USP38: variants seen among roughly 807,000 people sequenced by gnomAD.
The protein encoded by USP38 is ubiquitin carboxyl-terminal hydrolase 38.
A neutral mutation model predicts 94.3 loss-of-function variants in USP38; 49 were observed. The ratio of observed to expected loss-of-function variants is 0.52; its 90% CI spans 0.41 to 0.66. The LOEUF is 0.66. USP38 is among the 30% of genes least tolerant of loss of function. USP38 has a pLI of 0.00. For synonymous variants in USP38, 468 were observed against 463.6 expected (o/e 1.01, Z -0.12); for missense variants, 1,128 against 1,229.4 (o/e 0.92, Z 1.23).
Position 143,214,955 on chromosome 4 carries a change from A to T in USP38, c.2967+12A>T, listed in dbSNP as rs1732144050. 3 of 1,604,110 alleles carry T rather than the reference A, an allele frequency of 1.9e-6. No individual in the cohort carries two copies. Among genetic ancestry groups the T allele is most frequent in the Non-Finnish European group, 2.6e-6 (3 of 1,175,778 alleles). ...AACTATATTTACAGGTAAGTTGGAA[A>T]TACAAGCTTTATTTGTTGAAAATAT... On this transcript the variant is annotated intron_variant, in intron 9 of 9. Transcript: ENST00000307017.
chr4:143,189,364 C>A (rs1242279591), intron 2 of USP38, among the ~76,000 whole-genome samples: 1 of 151,446 alleles, frequency 6.6e-6, no homozygotes, highest in African/African-American at 2.4e-5. Flanking sequence ...TTTTTTAATT[C>A]TTTTCCTGCA....
Position 143,212,104 on chromosome 4 carries a change from A to G in USP38, c.1498-214A>G, listed in dbSNP as rs573121264. ...AAGTCACCTGTTTCTCTAGCTCTCA[A>G]TTCTCCTCTGCAGAGTGAGAAGTTA... is the stretch of plus-strand genomic sequence containing the variant. On this transcript the variant is annotated intron_variant, in intron 7 of 9. Transcript: ENST00000307017. Among the ~76,000 whole-genome samples, 342 of 152,248 alleles carry G rather than the reference A, an allele frequency of 2.2e-3. 1 individual carries two copies. The highest frequency in any genetic ancestry group is 7.8e-3 in the African/African-American group (324 of 41,540).
rs4330311 is a variant in USP38 at position 143,213,567 on chromosome 4, A to G, written c.1605-14A>G. 3.7e-4 allele frequency: 583 copies of G among 1,572,978 alleles called. 5 individuals carry two copies. The African/African-American group carries it at 7.1e-3, about 19-fold the overall frequency. On this transcript the variant is annotated splice_polypyrimidine_tract_variant and intron_variant, in intron 8 of 9. Transcript: ENST00000307017. The stretch of plus-strand genomic sequence containing the variant: ...TTAATTTAAGTAGCTATATAATGAT[A>G]TCCTCTGCTGCAGGCTCCATGAAGA...
intron 6 of USP38, among the ~76,000 whole-genome samples, chr4:143,207,412 C>T (rs1175005805): frequency 6.6e-6 from 1 of 152,122 alleles, no homozygotes; most frequent in Non-Finnish European, 1.5e-5. Context: ...GTGATGTGTG[C>T]CTGTAATCCC....
rs771772939 is a variant in USP38, at chr4:143,220,565, C to T, written c.*109C>T. 1.1e-5 allele frequency: 12 copies of T among 1,101,388 alleles called. No homozygotes were observed. The highest frequency in any genetic ancestry group is 1.3e-5 in the Non-Finnish European group (11 of 836,544). The allele number at this position is 1,101,388 out of a possible 1,614,324, so 68.2% of individuals were successfully genotyped here. On this transcript the variant is annotated 3_prime_UTR_variant, in exon 10 of 10. Transcript: ENST00000307017. ...TTTTATTTTTCATTAGACCCTTATA[C>T]TTCAAGAGAACACACTCAGTGCTTG...
At chr4:143,204,123 A>G (rs774820554) in intron 5 of USP38, among the ~76,000 whole-genome samples, 2 of 152,076 alleles carry the variant, frequency 1.3e-5, no homozygotes, top group Non-Finnish European at 2.9e-5. Flanking sequence ...CTGGGACTAC[A>G]GGCACCTGCC....
chr4:143,208,288 TTAA>T (rs1731928367), intron 6 of USP38, among the ~76,000 whole-genome samples: 1 of 152,132 alleles, frequency 6.6e-6, no homozygotes, highest in Admixed American at 6.5e-5. Flanking sequence ...ACTTCTTTAT[TTAA>T]TAATGCTCCT....
chr4:143,187,795 T>C, intron 1 of USP38, 31 bp from the exon 2 acceptor site: 2 of 1,588,030 alleles, frequency 1.3e-6, no homozygotes, highest in Non-Finnish European at 1.7e-6. Context: ...CTACTTGCCA[T>C]GTTCCCTTTT....
chr4:143,220,862 A>T lies in USP38; in HGVS notation c.*406A>T, dbSNP rs988874871. On this transcript the variant is annotated 3_prime_UTR_variant, in exon 10 of 10. Coordinates refer to ENST00000307017, the MANE Select transcript of USP38 (RefSeq NM_032557.6). ...AAAAAAAAATACTTGTTTTTAAAAA[A>T]TCCTTTACGTCTTGTGTAATTACCC... The T allele has an allele frequency of 6.5e-6, 1 of 153,202 alleles. No homozygotes were observed. Among genetic ancestry groups the T allele is most frequent in the Non-Finnish European group, 1.5e-5 (1 of 68,556 alleles). The allele number at this position is 153,202 out of a possible 1,614,324, so 9.5% of individuals were successfully genotyped here.
intron 3 of USP38, 82 bp downstream of exon 3, chr4:143,195,927 C>A (rs1256175693): frequency 1.6e-6 from 2 of 1,279,940 alleles, no homozygotes; most frequent in South Asian, 3.7e-5. Flanking sequence ...TCCTTGAAAG[C>A]ATCTAATTTT....
chr4:143,202,246 G>T (rs1029188668), intron 4 of USP38, among the ~76,000 whole-genome samples: 15 of 152,148 alleles, frequency 9.9e-5, no homozygotes, highest in Admixed American at 6.6e-4. Context: ...TGTGATGGAG[G>T]TAAGAAGGTA....
At chr4:143,215,833 C>T (rs13151561) in intron 9 of USP38, among the ~76,000 whole-genome samples, 109,928 of 151,958 alleles carry the variant, frequency 0.72, 40,176 homozygotes, top group East Asian at 0.83. Context: ...TTATAAAATA[C>T]ACATTTTTAA....
chr4:143,212,252 G>T lies in USP38; in HGVS notation c.1498-66G>T. On this transcript the variant is annotated intron_variant, in intron 7 of 9. Transcript: ENST00000307017. ...ACCTTTATTAAACACTGTATATTAA[G>T]ATTTCAGTTACTTGGTTCATGCTAT... is the stretch of plus-strand genomic sequence containing the variant. 6.8e-6 allele frequency: 9 copies of T among 1,329,772 alleles called. 1 individual carries two copies. In the South Asian group the frequency reaches 1.2e-4, roughly 18 times the overall value. The allele number at this position is 1,329,772 out of a possible 1,614,324, so 82.4% of individuals were successfully genotyped here. A position where few individuals can be genotyped will look rare whatever the true frequency, so the allele number is the denominator to read the frequency against.
chr4:143,198,457 T>TC (rs1208147240), intron 4 of USP38, among the ~76,000 whole-genome samples: 2 of 152,178 alleles, frequency 1.3e-5, no homozygotes, highest in African/African-American at 4.8e-5. Flanking sequence ...TGGTCAGCTG[T>TC]CCATTTACCA....
At chr4:143,202,301 CAG>C (rs1381587683) in intron 4 of USP38, among the ~76,000 whole-genome samples, 1 of 152,064 alleles carries the variant, frequency 6.6e-6, no homozygotes, top group Non-Finnish European at 1.5e-5. Context: ...TAAAGCTAGA[CAG>C]AGCAGAATGG....
intron 3 of USP38, among the ~76,000 whole-genome samples, chr4:143,197,488 C>A (rs985708359): frequency 1.3e-5 from 2 of 152,078 alleles, no homozygotes; most frequent in African/African-American, 4.8e-5. Flanking sequence ...GTTCCTAGAA[C>A]TAGGACAAGT....
At chr4:143,212,099 T>A (rs553403309) in intron 7 of USP38, among the ~76,000 whole-genome samples, 9 of 152,290 alleles carry the variant, frequency 5.9e-5, no homozygotes, top group African/African-American at 2.2e-4. Flanking sequence ...TTTCTCTAGC[T>A]CTCAATTCTC....
At chr4:143,202,868 A>ATAT (rs1319387849) in intron 4 of USP38, among the ~76,000 whole-genome samples, 1 of 152,218 alleles carries the variant, frequency 6.6e-6, no homozygotes, top group African/African-American at 2.4e-5. Flanking sequence ...CTCTAACATA[A>ATAT]GGCATGGTCT....
In USP38 at chr4:143,187,423, C is replaced by G. The variant is rs1731262343; in HGVS notation, c.683-403C>G. Among the ~76,000 whole-genome samples, 5 of 151,626 alleles carry G rather than the reference C, an allele frequency of 3.3e-5. No homozygotes were observed. The South Asian group carries it at 1.0e-3, about 32-fold the overall frequency. On this transcript the variant is annotated intron_variant, in intron 1 of 9. Coordinates refer to ENST00000307017, the MANE Select transcript of USP38 (RefSeq NM_032557.6). ...ATCTTCCTTAGAGGGATGTAATGATCAATAAGTTTAAAGTTATTTTGGAGG... is the reference window on the plus strand; with the variant it reads ...ATCTTCCTTAGAGGGATGTAATGATGAATAAGTTTAAAGTTATTTTGGAGG...
Sources: gnomAD v4.1 joint callset for allele counts (sites outside exome capture counted in the v4.1 genomes callset) on GRCh38, gnomAD v4.1.1 for gene constraint, MANE v1.5 for transcripts, NCBI Gene and HGNC (gene_info 2026-07-23, HGNC 2026-07-21) for gene names.